The following MCC variants were observed in gnomAD, a reference collection of about 807,000 sequenced individuals.
MCC encodes MCC regulator of Wnt signaling pathway.
In MCC, 90 loss-of-function variants were observed where a neutral mutation model predicts 116.2. That is an observed-to-expected ratio of 0.77 (90% CI 0.65 to 0.92). The LOEUF is 0.92. Ranked by LOEUF, MCC falls within the 40% of genes least tolerant of loss-of-function variation. The probability of loss-of-function intolerance (pLI) is 0.00; values close to 1 mark genes in which losing one functional copy is unlikely to be tolerated. For synonymous variants in MCC, 578 were observed against 510.5 expected (o/e 1.13, Z -1.78); for missense variants, 1,516 against 1,312.2 (o/e 1.16, Z -2.40).
At chr5:113,217,907 T>G (rs574259061) in intron 3 of MCC, among the ~76,000 whole-genome samples, 4 of 152,182 alleles carry the variant, frequency 2.6e-5, no homozygotes, top group African/African-American at 7.2e-5. Context: ...TATGTTCCTT[T>G]CCTCTTCCAA....
intron 1 of MCC, among the ~76,000 whole-genome samples, chr5:113,419,161 TTTTC>T (rs1167731602): frequency 2.0e-5 from 3 of 151,074 alleles, no homozygotes; most frequent in South Asian, 2.1e-4. Context: ...ATATTCTTTT[TTTTC>T]TTTCTTTTTT....
chr5:113,349,515 C>CA lies in MCC; in HGVS notation c.416-8786dup, dbSNP rs368219168. ...AATATCCCTTCATGATAAAAATCCT[C>CA]AAAAAACTGAGTATAGAAGGGATAT... On this transcript the variant is annotated intron_variant, in intron 2 of 18. Transcript: ENST00000408903. Among the ~76,000 whole-genome samples, 1,051 of 152,024 alleles carry CA rather than the reference C, an allele frequency of 6.9e-3. 13 individuals are homozygous for CA. The highest frequency in any genetic ancestry group is 0.023 in the African/African-American group (957 of 41,504).
At chr5:113,159,888 A>G (rs1760385986) in intron 3 of MCC, among the ~76,000 whole-genome samples, 2 of 152,260 alleles carry the variant, frequency 1.3e-5, no homozygotes, top group Non-Finnish European at 2.9e-5. Context: ...AATCTAAATT[A>G]TAAATTAAAG....
At chr5:113,071,894 G>A (rs1754067930) in intron 11 of MCC, among the ~76,000 whole-genome samples, 2 of 152,200 alleles carry the variant, frequency 1.3e-5, no homozygotes, top group Non-Finnish European at 2.9e-5. Context: ...GAGGAGCTAT[G>A]GATTGTACCC....
At chr5:113,310,330 C>G (rs952070467) in intron 3 of MCC, among the ~76,000 whole-genome samples, 2 of 152,198 alleles carry the variant, frequency 1.3e-5, no homozygotes, top group African/African-American at 4.8e-5. Context: ...GAGATAGCAA[C>G]AGGGGTGCCA....
At chr5:113,333,193 C>T (rs1271749463) in intron 3 of MCC, among the ~76,000 whole-genome samples, 1 of 151,706 alleles carries the variant, frequency 6.6e-6, no homozygotes, top group African/African-American at 2.4e-5. Flanking sequence ...AACTCTTATT[C>T]ACACACCTTT....
intron 3 of MCC, among the ~76,000 whole-genome samples, chr5:113,270,295 G>A (rs1472716257): frequency 1.3e-5 from 2 of 151,982 alleles, no homozygotes; most frequent in Non-Finnish European, 2.9e-5. Context: ...TCCACGCCAG[G>A]GTGTCCAAAC....
chr5:113,392,208 C>T (rs1210574512), intron 1 of MCC, among the ~76,000 whole-genome samples: 1 of 151,928 alleles, frequency 6.6e-6, no homozygotes, highest in African/African-American at 2.4e-5. Context: ...CAACTGCACT[C>T]CAGCCTGGGC....
intron 17 of MCC, among the ~76,000 whole-genome samples, chr5:113,039,439 G>T (rs978693089): frequency 6.6e-6 from 1 of 152,076 alleles, no homozygotes; most frequent in East Asian, 1.9e-4. Flanking sequence ...TCCGCCTCCC[G>T]CCATGGCACC....
intron 13 of MCC, among the ~76,000 whole-genome samples, chr5:113,064,957 T>A (rs1005256899): frequency 2.0e-5 from 3 of 152,154 alleles, no homozygotes; most frequent in African/African-American, 4.8e-5. Context: ...GGAGTTCAAA[T>A]ACAGCCTGGG....
At chr5:113,130,856 C>G (rs1235345429) in intron 5 of MCC, among the ~76,000 whole-genome samples, 1 of 152,170 alleles carries the variant, frequency 6.6e-6, no homozygotes, top group African/African-American at 2.4e-5. Flanking sequence ...GCCAAATAAA[C>G]CTCTTCTATT....
At chr5:113,340,059 T>C (rs1767972432) in intron 3 of MCC, among the ~76,000 whole-genome samples, 1 of 152,260 alleles carries the variant, frequency 6.6e-6, no homozygotes, top group African/African-American at 2.4e-5. Flanking sequence ...CATAATGGCC[T>C]TCTAAGTTGT....
At chr5:113,131,721 G>T (rs1309131273) in intron 5 of MCC, among the ~76,000 whole-genome samples, 4 of 152,100 alleles carry the variant, frequency 2.6e-5, no homozygotes, top group Admixed American at 1.3e-4. Flanking sequence ...GAGGGAGAAA[G>T]GTTCCCACCT....
At chr5:113,258,942 T>C (rs1035410014) in intron 3 of MCC, among the ~76,000 whole-genome samples, 1 of 152,236 alleles carries the variant, frequency 6.6e-6, no homozygotes, top group African/African-American at 2.4e-5. Context: ...GAACAAGGTC[T>C]GTACTACTCC....
chr5:113,279,570 G>C (rs1304231719), intron 3 of MCC, among the ~76,000 whole-genome samples: 1 of 152,140 alleles, frequency 6.6e-6, no homozygotes, highest in Non-Finnish European at 1.5e-5. Context: ...TCGTATCTTT[G>C]TAAGAAAGGA....
intron 6 of MCC, among the ~76,000 whole-genome samples, chr5:113,107,553 C>T (rs933939528): frequency 1.3e-5 from 2 of 152,116 alleles, no homozygotes; most frequent in Non-Finnish European, 1.5e-5. Flanking sequence ...TGGACACCAA[C>T]TGGAGGCAAA....
chr5:113,372,489 T>C (rs1032502862), intron 2 of MCC, among the ~76,000 whole-genome samples: 4 of 152,216 alleles, frequency 2.6e-5, no homozygotes, highest in South Asian at 2.1e-4. Flanking sequence ...TGTACATGTT[T>C]TCTTAGAAGT....
chr5:113,433,732 A>C (rs375591806), intron 1 of MCC: 5 of 1,607,990 alleles, frequency 3.1e-6, no homozygotes, highest in East Asian at 2.2e-5. Flanking sequence ...GGGCCGCAAG[A>C]AGCTCACTGG....
intron 3 of MCC, among the ~76,000 whole-genome samples, chr5:113,298,723 A>G (rs1242142530): frequency 6.6e-6 from 1 of 152,150 alleles, no homozygotes; most frequent in Non-Finnish European, 1.5e-5. Context: ...TTCCTAGGAG[A>G]ACAGAAACAA....
Sources: gnomAD v4.1 joint callset for allele counts (sites outside exome capture counted in the v4.1 genomes callset) on GRCh38, gnomAD v4.1.1 for gene constraint, MANE v1.5 for transcripts, NCBI Gene and HGNC (gene_info 2026-07-23, HGNC 2026-07-21) for gene names.